Variants in INSR observed in about 807,000 individuals in gnomAD.
The protein encoded by INSR is insulin receptor.
Under a neutral mutation model 142.6 loss-of-function variants are expected in INSR, and 67 were observed. The ratio of observed to expected loss-of-function variants is 0.47; its 90% confidence interval spans 0.39 to 0.58. INSR has a LOEUF of 0.58. Among genes scored for constraint, INSR ranks in the 20% least tolerant of loss-of-function variants. The pLI is 0.00. For synonymous variants in INSR, 756 were observed against 743.1 expected (o/e 1.02, Z -0.28); for missense variants, 1,248 against 1,833.2 (o/e 0.68, Z 5.83).
At chr19:7,124,878 C>T (rs925874667) in intron 17 of INSR, among the ~76,000 whole-genome samples, 1 of 151,008 alleles carries the variant, frequency 6.6e-6, no homozygotes, top group Admixed American at 6.6e-5. Flanking sequence ...ATCAGGTGGA[C>T]CTCTATGTGG....
At chr19:7,132,043 G>T in intron 14 of INSR, 115 bp downstream of exon 14, 1 of 1,288,060 alleles carries the variant, frequency 7.8e-7, no homozygotes, top group Non-Finnish European at 1.1e-6. Context: ...TGATAGGCCT[G>T]AGAGTCAAGG....
At chr19:7,179,013 C>A (rs540297090) in intron 3 of INSR, among the ~76,000 whole-genome samples, 1 of 152,152 alleles carries the variant, frequency 6.6e-6, no homozygotes, top group Non-Finnish European at 1.5e-5. Flanking sequence ...TGGGCTCAAG[C>A]GATCCTCCTG....
chr19:7,258,603 A>C (rs564813855), intron 2 of INSR, among the ~76,000 whole-genome samples: 1 of 149,252 alleles, frequency 6.7e-6, no homozygotes, highest in East Asian at 1.9e-4. Context: ...GCCATGCCTC[A>C]GTTCCCTCTT....
rs1387758099 is a variant in INSR, at chr19:7,192,594, C to A, written c.653-7957G>T. 6.6e-6 allele frequency among the ~76,000 whole-genome samples: 1 copy of A among 152,198 alleles called. No homozygotes were observed. The highest frequency in any genetic ancestry group is 1.5e-5 in the Non-Finnish European group (1 of 68,036). On this transcript the variant is annotated intron_variant, in intron 2 of 21. Transcript: ENST00000302850. This position sits in a 1 kb window ranked among gnomAD's most constrained non-coding sequence, Gnocchi z 4.2. ...AGCAGCCCAGGCTATGTCTGCCAGACAAGATGGCAGACTTGCAGGAAAATG... is the reference window on the plus strand; with the variant it reads ...AGCAGCCCAGGCTATGTCTGCCAGAAAAGATGGCAGACTTGCAGGAAAATG...
intron 1 of INSR, among the ~76,000 whole-genome samples, chr19:7,280,376 C>T (rs575630597): frequency 9.2e-5 from 14 of 152,206 alleles, no homozygotes; most frequent in Admixed American, 6.6e-4. Context: ...GTCAGGAGTT[C>T]GAGCCCAGCC....
In INSR at chr19:7,168,198, G is replaced by T. The variant is rs1362566271; in HGVS notation, c.1484-104C>A. 9 of 1,178,502 alleles carry T rather than the reference G, an allele frequency of 7.6e-6. No homozygotes were observed. The highest frequency in any genetic ancestry group is 1.8e-5 in the Admixed American group (1 of 55,190). 73.0% of individuals were successfully genotyped at this position (1,178,502 alleles called of 1,614,324 possible). On this transcript the variant is annotated intron_variant, in intron 6 of 21. Coordinates refer to ENST00000302850, the MANE Select transcript of INSR (RefSeq NM_000208.4). This position sits in a 1 kb window ranked among gnomAD's most constrained non-coding sequence, Gnocchi z 4.3. ...CTGGAGGGACCGTGAGAAGGCAGAGGTGACGCTGCTATTCCCTTAAGGGTC... is the reference window on the plus strand; with the variant it reads ...CTGGAGGGACCGTGAGAAGGCAGAGTTGACGCTGCTATTCCCTTAAGGGTC...
intron 9 of INSR, among the ~76,000 whole-genome samples, chr19:7,160,191 G>A (rs1291726488): frequency 2.6e-5 from 4 of 151,806 alleles, no homozygotes; most frequent in African/African-American, 9.7e-5. Context: ...TTTTGCTTTT[G>A]TTACCCAGGC....
At chr19:7,185,974 C>A (rs1193860950) in intron 2 of INSR, among the ~76,000 whole-genome samples, 1 of 150,906 alleles carries the variant, frequency 6.6e-6, no homozygotes, top group Non-Finnish European at 1.5e-5. Flanking sequence ...GTGGGCGGAT[C>A]ACCTGAGGTC....
At chr19:7,277,208 A>G (rs964924059) in intron 1 of INSR, among the ~76,000 whole-genome samples, 2 of 152,152 alleles carry the variant, frequency 1.3e-5, no homozygotes, top group African/African-American at 4.8e-5. Context: ...AGAGATCCTT[A>G]AGATTCTCCA....
intron 2 of INSR, among the ~76,000 whole-genome samples, chr19:7,200,297 T>C (rs1313110097): frequency 6.6e-6 from 1 of 152,060 alleles, no homozygotes; most frequent in Non-Finnish European, 1.5e-5. Flanking sequence ...GAGGTGGAGG[T>C]GTCAGGACTT....
rs938984217 is a variant in INSR, at chr19:7,168,936, C to T, written c.1484-842G>A. ...TACATTTTGACATAAGTAACTAACT[C>T]CCCATGAAGGTATCCCAGAAGCCCT... On this transcript the variant is annotated intron_variant, in intron 6 of 21. Coordinates refer to ENST00000302850, the MANE Select transcript of INSR (RefSeq NM_000208.4). The surrounding 1 kb of genome is among the most constrained non-coding windows in gnomAD (Gnocchi z 4.3). 2.0e-5 allele frequency among the ~76,000 whole-genome samples: 3 copies of T among 152,172 alleles called. No homozygotes were observed. The highest frequency in any genetic ancestry group is 7.2e-5 in the African/African-American group (3 of 41,450).
chr19:7,148,134 A>G (rs1289877484), intron 11 of INSR, among the ~76,000 whole-genome samples: 2 of 151,874 alleles, frequency 1.3e-5, no homozygotes, highest in Non-Finnish European at 2.9e-5. Flanking sequence ...GGCTGGTTTC[A>G]AACTCTTGAC....
At chr19:7,189,693 T>C (rs1374785940) in intron 2 of INSR, among the ~76,000 whole-genome samples, 1 of 151,588 alleles carries the variant, frequency 6.6e-6, no homozygotes, top group African/African-American at 2.4e-5. Context: ...AAACCGAGTC[T>C]TGCTCTGTTG....
Position 7,166,041 on chromosome 19 carries a change from A to G in INSR, c.1861+113T>C, listed in dbSNP as rs75987049. ...AAAGTAAGACCCTGTCTAAAAAAAA[A>G]AAAAAAGCCAATAACCATATCAAGG... On this transcript the variant is annotated intron_variant, in intron 8 of 21. Coordinates refer to ENST00000302850, the MANE Select transcript of INSR (RefSeq NM_000208.4). This position sits in a 1 kb window ranked among gnomAD's most constrained non-coding sequence, Gnocchi z 4.1. 43,785 of 1,257,666 alleles carry G rather than the reference A, an allele frequency of 0.035. 1,118 individuals are homozygous for G. The highest frequency in any genetic ancestry group is 0.074 in the Middle Eastern group (383 of 5,164). 77.9% of individuals were successfully genotyped at this position (1,257,666 alleles called of 1,614,324 possible). A position where few individuals can be genotyped will look rare whatever the true frequency, so the allele number is the denominator to read the frequency against.
chr19:7,292,534 G>C (rs901999258), intron 1 of INSR, among the ~76,000 whole-genome samples: 5 of 151,554 alleles, frequency 3.3e-5, no homozygotes, highest in Admixed American at 6.6e-5. Context: ...CAGCAAACCC[G>C]GTTGGTCCAC....
chr19:7,275,786 CAA>C (rs1440947204), intron 1 of INSR, among the ~76,000 whole-genome samples: 18 of 103,358 alleles, frequency 1.7e-4, no homozygotes, highest in Non-Finnish European at 1.3e-4. Context: ...GACTCCATCT[CAA>C]AAAAAAAAAA....
intron 2 of INSR, among the ~76,000 whole-genome samples, chr19:7,193,349 G>A (rs1025476541): frequency 6.6e-6 from 1 of 151,754 alleles, no homozygotes; most frequent in Non-Finnish European, 1.5e-5. Context: ...CCGTCTCCAC[G>A]AAAAATATAA....
At chr19:7,223,042 G>GGC (rs1975670250) in intron 2 of INSR, among the ~76,000 whole-genome samples, 1 of 152,134 alleles carries the variant, frequency 6.6e-6, no homozygotes, top group Non-Finnish European at 1.5e-5. Context: ...AATTAGCCCA[G>GGC]TGTGGTGGCG....
intron 8 of INSR, among the ~76,000 whole-genome samples, chr19:7,163,948 A>AAAACAAAAAAAAAAT (rs1411048837): frequency 7.4e-6 from 1 of 136,032 alleles, no homozygotes; most frequent in African/African-American, 3.2e-5. Context: ...AAAAAAAAAA[A>AAAACAAAAAAAAAAT]ATTAGCTGGA....
Sources: gnomAD v4.1 joint callset for allele counts (sites outside exome capture counted in the v4.1 genomes callset) on GRCh38, gnomAD v4.1.1 for gene constraint, Gnocchi (gnomAD v3.1) non-coding constraint, MANE v1.5 for transcripts, NCBI Gene and HGNC (gene_info 2026-07-23, HGNC 2026-07-21) for gene names.